The following LRIF1 variants were observed in gnomAD, a reference collection of about 807,000 sequenced individuals.
LRIF1 encodes the protein ligand dependent nuclear receptor interacting factor 1.
A neutral mutation model predicts 52.7 loss-of-function variants in LRIF1; 32 were observed. The observed-to-expected ratio is 0.61, with a 90% confidence interval of 0.46 to 0.82. The LOEUF is 0.82. Ranked by LOEUF, LRIF1 falls within the 40% of genes least tolerant of loss-of-function variation. The probability of loss-of-function intolerance (pLI) is 0.00; values close to 1 mark genes in which losing one functional copy is unlikely to be tolerated. For missense variants in LRIF1, 887 were observed against 892.0 expected (o/e 0.99, Z 0.07); for synonymous variants, 323 against 317.4 (o/e 1.02, Z -0.19).
chr1:110,944,284 GTCA>G (rs1658151576), downstream of LRIF1: 1 of 152,198 alleles, frequency 6.6e-6, no homozygotes, highest in African/African-American at 2.4e-5. Flanking sequence ...GGATGCGGTT[GTCA>G]TCAGCTGAAA....
the LRIF1 span, among the ~76,000 whole-genome samples, chr1:110,902,517 A>AAAAAAAAAAAAG: frequency 3.6e-4 from 38 of 104,692 alleles, no homozygotes; most frequent in Admixed American, 5.0e-4. Flanking sequence ...AAAAAAAAAA[A>AAAAAAAAAAAAG]AAAGAAATAC....
chr1:110,892,063 AG>A, the LRIF1 span, among the ~76,000 whole-genome samples: 6 of 152,370 alleles, frequency 3.9e-5, no homozygotes, highest in African/African-American at 1.4e-4. Flanking sequence ...AGGAAAAAGA[AG>A]TTAGACCTAT....
downstream of LRIF1, chr1:110,944,559 TAA>T (rs776301352): frequency 2.6e-5 from 4 of 152,160 alleles, no homozygotes; most frequent in Non-Finnish European, 5.9e-5. Context: ...TGTTTTAATG[TAA>T]AGAGATTAGG....
the LRIF1 span, chr1:110,937,928 A>G: frequency 6.6e-6 from 1 of 152,158 alleles, no homozygotes; most frequent in East Asian, 1.9e-4. Context: ...GGCTACTATG[A>G]GCAACTATAT....
chr1:110,959,198 A>G (rs920558023), intron 1 of LRIF1, among the ~76,000 whole-genome samples: 1 of 151,768 alleles, frequency 6.6e-6, no homozygotes, highest in Admixed American at 6.6e-5. Context: ...AAAATAATAC[A>G]GTTTAACAGT....
At chr1:110,894,422 CTTA>C in the LRIF1 span, 1,800 of 1,564,110 alleles carry the variant, frequency 1.2e-3, 1 homozygote, top group Non-Finnish European at 1.5e-3. Flanking sequence ...AAGACAACAA[CTTA>C]TTGTCTTAAT....
chr1:110,877,495 G>A, the LRIF1 span, among the ~76,000 whole-genome samples: 2 of 152,148 alleles, frequency 1.3e-5, no homozygotes, highest in Non-Finnish European at 2.9e-5. Flanking sequence ...CCTGATTTAC[G>A]AAGTAAGCTT....
At chr1:110,903,008 TC>T in the LRIF1 span, among the ~76,000 whole-genome samples, 1 of 152,096 alleles carries the variant, frequency 6.6e-6, no homozygotes, top group South Asian at 2.1e-4. Context: ...CTCAGTACCA[TC>T]CCGTTAGAGC....
At chr1:110,946,199 GA>G (rs1203479303), downstream of LRIF1, among the ~76,000 whole-genome samples, 3 of 152,284 alleles carry the variant, frequency 2.0e-5, no homozygotes, top group African/African-American at 7.2e-5. Flanking sequence ...GATAAACCTT[GA>G]AAACATTAGA....
At chr1:110,913,412 G>T in the LRIF1 span, among the ~76,000 whole-genome samples, 1 of 152,090 alleles carries the variant, frequency 6.6e-6, no homozygotes, top group Admixed American at 6.5e-5. Flanking sequence ...CTATACATCT[G>T]ACAAAATTTA....
At chr1:110,900,964 G>A in the LRIF1 span, among the ~76,000 whole-genome samples, 1 of 151,964 alleles carries the variant, frequency 6.6e-6, no homozygotes, top group East Asian at 1.9e-4. Context: ...TATCTAATAG[G>A]GAGCCAAATG....
the LRIF1 span, among the ~76,000 whole-genome samples, chr1:110,914,446 A>G: frequency 1.3e-5 from 2 of 152,216 alleles, no homozygotes; most frequent in African/African-American, 4.8e-5. Flanking sequence ...AATATGTAAA[A>G]CTGATTAAAC....
At chr1:110,892,220 G>A in the LRIF1 span, 1 of 773,316 alleles carries the variant, frequency 1.3e-6, no homozygotes, top group Admixed American at 2.0e-5. Context: ...TAAAGAAATT[G>A]TTCATGAGAC....
the LRIF1 span, among the ~76,000 whole-genome samples, chr1:110,935,975 TG>T: frequency 6.6e-6 from 1 of 151,490 alleles, no homozygotes. Context: ...TAACATACAA[TG>T]GAGCTCCGAT....
Position 110,948,395 on chromosome 1 carries a change from T to C in LRIF1, c.1874A>G (p.Asn625Ser), listed in dbSNP as rs768371364. 1.8e-5 allele frequency: 29 copies of C among 1,608,254 alleles called. No homozygotes were observed. Among genetic ancestry groups the C allele is most frequent in the Non-Finnish European group, 2.4e-5 (28 of 1,176,858 alleles). The change falls in exon 4 of 4, where the codon AAT becomes AGT. Residue 625 changes from asparagine to serine, a missense_variant. Coordinates refer to ENST00000369763, the MANE Select transcript of LRIF1 (RefSeq NM_018372.4). ...TTTTGCTTTTCTTTTCTTATCAAAATTCTGCTGCAATATTGAATAACATTC... is the reference window on the plus strand; with the variant it reads ...TTTTGCTTTTCTTTTCTTATCAAAACTCTGCTGCAATATTGAATAACATTC... Reference protein sequence around the residue: ...MVKEGERKQQNFDKKRKAKTN... With the variant: ...MVKEGERKQQSFDKKRKAKTN...
At chr1:110,923,059 C>T in the LRIF1 span, among the ~76,000 whole-genome samples, 6 of 152,306 alleles carry the variant, frequency 3.9e-5, no homozygotes, top group East Asian at 1.2e-3. Flanking sequence ...AATACCAGCA[C>T]TTTGGGAGGC....
chr1:110,926,105 T>C, the LRIF1 span, among the ~76,000 whole-genome samples: 2 of 152,100 alleles, frequency 1.3e-5, no homozygotes, highest in Admixed American at 6.6e-5. Context: ...TTAAATATCA[T>C]CATAATCAAA....
the LRIF1 span, among the ~76,000 whole-genome samples, chr1:110,920,488 A>G: frequency 3.5e-4 from 53 of 152,332 alleles, no homozygotes; most frequent in African/African-American, 1.3e-3. Flanking sequence ...AGGCAAAACA[A>G]TGGTGACAAT....
Position 110,963,875 on chromosome 1 carries a change from G to T in LRIF1, c.-187C>A, listed in dbSNP as rs898803477. On this transcript the variant is annotated 5_prime_UTR_variant, in exon 1 of 4. Transcript: ENST00000369763. Reference sequence around the variant, plus strand: ...AGGGTGTATCCCCAGGCTTCGGGACGAGGTCGCGCACCGCGCAGAAACCGG... The same window carrying T: ...AGGGTGTATCCCCAGGCTTCGGGACTAGGTCGCGCACCGCGCAGAAACCGG... The T allele has an allele frequency of 6.1e-5, 29 of 471,638 alleles. No individual in the cohort carries two copies. The highest frequency in any genetic ancestry group is 9.8e-5 in the Non-Finnish European group (25 of 254,408). The allele number at this position is 471,638 out of a possible 1,614,324, so 29.2% of individuals were successfully genotyped here.
Sources: allele counts gnomAD v4.1 joint callset (sites outside exome capture counted in the v4.1 genomes callset), GRCh38; gene constraint gnomAD v4.1.1; transcripts MANE v1.5; gene names NCBI Gene and HGNC (gene_info 2026-07-23, HGNC 2026-07-21).